RBFOX1: variants seen among roughly 807,000 people sequenced by gnomAD.
RBFOX1 encodes the protein RNA binding protein fox-1 homolog 1.
In RBFOX1, 8 loss-of-function variants were observed where a neutral mutation model predicts 57.7. The observed-to-expected ratio is 0.14, with a 90% CI of 0.08 to 0.25. The LOEUF (loss-of-function observed/expected upper bound fraction) is 0.25. Among genes scored for constraint, RBFOX1 ranks in the 10% least tolerant of loss-of-function variants. RBFOX1 has a pLI of 1.00. For synonymous variants in RBFOX1, 326 were observed against 222.4 expected, an observed-to-expected ratio of 1.47 and a Z score of -4.15; for missense variants, 611 against 548.5, an observed-to-expected ratio of 1.11 and a Z score of -1.14.
At position 6,800,106 on chromosome 16, in the gene RBFOX1, T is replaced by C. The variant is rs190580709; in HGVS notation, c.-16+145456T>C. Among the ~76,000 whole-genome samples the C allele has an allele frequency of 3.5e-4, 54 of 152,280 alleles. 1 individual carries two copies. Among genetic ancestry groups the C allele is most frequent in the Non-Finnish European group, 5.9e-5 (4 of 68,022 alleles). ...CTGTCATGGTGCTGGTAGGATTGTC[T>C]TATGCAGATGTATTATCGTTCCTAG... On this transcript the variant is annotated intron_variant, in intron 3 of 15. Coordinates refer to ENST00000550418, the MANE Select transcript of RBFOX1 (RefSeq NM_018723.4).
chr16:7,346,908 AC>A (rs1317220348), intron 4 of RBFOX1, among the ~76,000 whole-genome samples: 12 of 152,176 alleles, frequency 7.9e-5, no homozygotes, highest in Non-Finnish European at 1.5e-4. Flanking sequence ...TTCAAAAAAA[AC>A]GAGAGGGGCA....
intron 2 of RBFOX1, among the ~76,000 whole-genome samples, chr16:5,467,430 G>T (rs960062437): frequency 6.6e-6 from 1 of 152,132 alleles, no homozygotes; most frequent in Non-Finnish European, 1.5e-5. Context: ...ATCAGGGAAG[G>T]CTCATGAGAT....
chr16:5,570,451 A>C (rs1213937619), intron 2 of RBFOX1, among the ~76,000 whole-genome samples: 6 of 152,162 alleles, frequency 3.9e-5, no homozygotes, highest in Non-Finnish European at 8.8e-5. Context: ...GTCCCTGGCA[A>C]GCATTTGATA....
chr16:7,040,003 T>TTATTAA (rs1156484500), intron 3 of RBFOX1, among the ~76,000 whole-genome samples: 7 of 32,090 alleles, frequency 2.2e-4, no homozygotes, highest in Non-Finnish European at 6.4e-4. Context: ...GGGAGTTATT[T>TTATTAA]TATTATTATT....
At chr16:5,460,979 C>T (rs1230205769) in intron 1 of RBFOX1, among the ~76,000 whole-genome samples, 1 of 152,084 alleles carries the variant, frequency 6.6e-6, no homozygotes, top group Non-Finnish European at 1.5e-5. Flanking sequence ...TGAAATTCTG[C>T]TCATGAAACG....
chr16:6,011,079 A>G (rs1374946605), intron 4 of RBFOX1, among the ~76,000 whole-genome samples: 1 of 152,238 alleles, frequency 6.6e-6, no homozygotes, highest in African/African-American at 2.4e-5. Context: ...TCCATTTGTA[A>G]TAAAAAGACT....
chr16:6,805,429 AACTTGGGT>A (rs1418830574), intron 3 of RBFOX1, among the ~76,000 whole-genome samples: 8 of 152,172 alleles, frequency 5.3e-5, no homozygotes, highest in Non-Finnish European at 8.8e-5. Flanking sequence ...AGAAAAAAAT[AACTTGGGT>A]ACTTGGCTTA....
chr16:6,928,134 T>G (rs778573470), intron 3 of RBFOX1, among the ~76,000 whole-genome samples: 13 of 152,018 alleles, frequency 8.6e-5, no homozygotes, highest in Non-Finnish European at 1.6e-4. Context: ...CAATTCTTAG[T>G]GTGTGTGATT....
chr16:5,522,229 T>C (rs918865979), intron 2 of RBFOX1, among the ~76,000 whole-genome samples: 4 of 152,220 alleles, frequency 2.6e-5, no homozygotes, highest in Non-Finnish European at 5.9e-5. Flanking sequence ...ACTTTTTTAT[T>C]GCATGGCCAT....
intron 4 of RBFOX1, among the ~76,000 whole-genome samples, chr16:7,095,852 A>C (rs892729333): frequency 3.3e-5 from 5 of 151,870 alleles, no homozygotes; most frequent in Admixed American, 3.3e-4. Context: ...CTGTACTAAA[A>C]ATACAAAAAA....
At chr16:7,653,455 G>A (rs543597474) in intron 11 of RBFOX1, among the ~76,000 whole-genome samples, 25 of 152,274 alleles carry the variant, frequency 1.6e-4, no homozygotes, top group African/African-American at 4.3e-4. Flanking sequence ...GCAGTGAGCC[G>A]TGATTGCACC....
chr16:7,059,139 G>A (rs2053451840), intron 4 of RBFOX1, among the ~76,000 whole-genome samples: 1 of 152,202 alleles, frequency 6.6e-6, no homozygotes, highest in African/African-American at 2.4e-5. Flanking sequence ...ATCAGATAAT[G>A]AAACTTCCCA....
chr16:6,161,114 C>T (rs1240227235), intron 1 of RBFOX1, among the ~76,000 whole-genome samples: 5 of 152,088 alleles, frequency 3.3e-5, no homozygotes, highest in Non-Finnish European at 7.4e-5. Context: ...ACTGGCTGGG[C>T]ACAGTGACTC....
chr16:6,621,722 C>G (rs180849798), intron 2 of RBFOX1, among the ~76,000 whole-genome samples: 31 of 152,264 alleles, frequency 2.0e-4, no homozygotes, highest in Non-Finnish European at 4.0e-4. Flanking sequence ...CTCGTTAGCT[C>G]TGATCACCTG....
At chr16:7,211,616 A>T (rs895327078) in intron 4 of RBFOX1, among the ~76,000 whole-genome samples, 1 of 152,178 alleles carries the variant, frequency 6.6e-6, no homozygotes, top group Admixed American at 6.5e-5. Flanking sequence ...CTAGAGGCAC[A>T]CCTAGTAAGC....
At chr16:5,254,504 C>T (rs1214485535) in intron 1 of RBFOX1, among the ~76,000 whole-genome samples, 2 of 152,160 alleles carry the variant, frequency 1.3e-5, no homozygotes, top group Non-Finnish European at 2.9e-5. Context: ...GAGTCTGTAT[C>T]ATATTTATCT....
At chr16:6,656,968 C>G (rs1179900896) in intron 3 of RBFOX1, among the ~76,000 whole-genome samples, 5 of 134,252 alleles carry the variant, frequency 3.7e-5, no homozygotes, top group Non-Finnish European at 4.8e-5. Flanking sequence ...CTTTCCTCTC[C>G]TCTCCTCCCC....
chr16:6,689,890 C>T (rs1229839526), intron 3 of RBFOX1, among the ~76,000 whole-genome samples: 1 of 152,138 alleles, frequency 6.6e-6, no homozygotes, highest in African/African-American at 2.4e-5. Flanking sequence ...TTGTTTCATG[C>T]TTGTGAGTGT....
chr16:7,410,065 G>GTAA (rs149679655), intron 4 of RBFOX1, among the ~76,000 whole-genome samples: 1 of 151,512 alleles, frequency 6.6e-6, no homozygotes, highest in East Asian at 2.0e-4. Context: ...GGAGTCTTCA[G>GTAA]TGATGATGAT....
Sources: gnomAD v4.1 joint callset for allele counts (sites outside exome capture counted in the v4.1 genomes callset) on GRCh38, gnomAD v4.1.1 for gene constraint, MANE v1.5 for transcripts, NCBI Gene and HGNC (gene_info 2026-07-23, HGNC 2026-07-21) for gene names.